The following CORO2B variants were observed in gnomAD, a reference collection of about 807,000 sequenced individuals.
The protein encoded by CORO2B is coronin 2B, also known as coronin-2B.
A neutral mutation model predicts 58.8 loss-of-function variants in CORO2B; 26 were observed. The ratio of observed to expected loss-of-function variants is 0.44; its 90% CI spans 0.32 to 0.61. The LOEUF (loss-of-function observed/expected upper bound fraction) is 0.61, where lower values mean the gene tolerates loss of function less well. Ranked by LOEUF, CORO2B falls within the 20% of genes least tolerant of loss-of-function variation. The probability of loss-of-function intolerance (pLI) is 0.04; values close to 1 mark genes in which losing one functional copy is unlikely to be tolerated. For synonymous variants in CORO2B, 242 were observed against 253.8 expected, an observed-to-expected ratio of 0.95 and a Z score of 0.44; for missense variants, 460 against 645.1, an observed-to-expected ratio of 0.71 and a Z score of 3.11.
intron 9 of CORO2B, 27 bp from the exon 10 acceptor site, chr15:68,719,117 T>C: frequency 6.4e-7 from 1 of 1,573,616 alleles, no homozygotes; most frequent in Non-Finnish European, 8.7e-7. Context: ...CCCCCATGTG[T>C]CCTCTCTTCT....
chr15:68,713,864 T>A (rs1329187667), intron 5 of CORO2B, 61 bp from the exon 6 acceptor site: 3 of 1,128,096 alleles, frequency 2.7e-6, no homozygotes, highest in Non-Finnish European at 4.0e-6. Flanking sequence ...CCACCATTCA[T>A]GCCACTGCAG....
rs1480754309 is a variant in CORO2B, at chr15:68,710,647, C to T, written c.334-85C>T. 1.4e-6 allele frequency: 2 copies of T among 1,383,636 alleles called. No individual in the cohort carries two copies. The highest frequency in any genetic ancestry group is 1.9e-6 in the Non-Finnish European group (2 of 1,056,382). 85.7% of individuals were successfully genotyped at this position (1,383,636 alleles called of 1,614,324 possible). A position where few individuals can be genotyped will look rare whatever the true frequency, so the allele number is the denominator to read the frequency against. ...GGCTCATCAGGCAGATCTCAGAAAG[C>T]CTGGTGTCCGAGGAAAGGGGCACCT... On this transcript the variant is annotated intron_variant, in intron 3 of 11. Coordinates refer to ENST00000261861, the MANE Select transcript of CORO2B (RefSeq NM_006091.5). This position sits in a 1 kb window ranked among gnomAD's most constrained non-coding sequence, Gnocchi z 4.1.
chr15:68,581,687 CTT>C (rs34267403), intron 1 of CORO2B, among the ~76,000 whole-genome samples: 6,241 of 152,232 alleles, frequency 0.041, 456 homozygotes, highest in African/African-American at 0.14. Context: ...TTGGGAGACT[CTT>C]TGTTCTCTGA....
the CORO2B span, among the ~76,000 whole-genome samples, chr15:68,560,134 C>T: frequency 2.0e-5 from 3 of 152,196 alleles, no homozygotes; most frequent in South Asian, 4.1e-4. Context: ...TGGCTGGGGG[C>T]TGCCTGGGAA....
the CORO2B span, among the ~76,000 whole-genome samples, chr15:68,534,163 G>T: frequency 5.9e-5 from 9 of 152,142 alleles, no homozygotes; most frequent in African/African-American, 2.2e-4. Flanking sequence ...CTTCTTTCTT[G>T]CCCTTCTAGA....
At chr15:68,721,648 G>A (rs1893163314) in intron 11 of CORO2B, among the ~76,000 whole-genome samples, 1 of 152,170 alleles carries the variant, frequency 6.6e-6, no homozygotes, top group African/African-American at 2.4e-5. Context: ...AGAGACTAAA[G>A]CTGAGTGATG....
intron 1 of CORO2B, among the ~76,000 whole-genome samples, chr15:68,637,522 A>G (rs1901069674): frequency 6.6e-6 from 1 of 152,224 alleles, no homozygotes; most frequent in Non-Finnish European, 1.5e-5. Flanking sequence ...ATCCTCATAC[A>G]GATTCCAGGA....
chr15:68,674,308 A>C (rs1005975931), intron 2 of CORO2B, among the ~76,000 whole-genome samples: 4 of 152,186 alleles, frequency 2.6e-5, no homozygotes, highest in African/African-American at 9.7e-5. Flanking sequence ...GGGCTTCGGG[A>C]CGGTGGGTAG....
At chr15:68,629,806 G>C (rs1900777246) in intron 1 of CORO2B, among the ~76,000 whole-genome samples, 1 of 62 alleles carries the variant, frequency 0.016, no homozygotes, top group Admixed American at 0.25. Flanking sequence ...CAGGAGCTTG[G>C]GCTCTTAACC....
the CORO2B span, among the ~76,000 whole-genome samples, chr15:68,573,464 C>T: frequency 2.6e-5 from 4 of 151,954 alleles, no homozygotes; most frequent in South Asian, 4.2e-4. Context: ...CAGAGAGGTG[C>T]GCCTCTGCCA....
At chr15:68,649,207 A>G (rs1901556183) in intron 2 of CORO2B, among the ~76,000 whole-genome samples, 1 of 152,212 alleles carries the variant, frequency 6.6e-6, no homozygotes, top group Admixed American at 6.5e-5. Flanking sequence ...AATATGCTAT[A>G]TATATACATA....
At chr15:68,633,852 A>C (rs1004193712) in intron 1 of CORO2B, among the ~76,000 whole-genome samples, 3 of 152,330 alleles carry the variant, frequency 2.0e-5, no homozygotes, top group Admixed American at 2.0e-4. Context: ...GGGAAGGCCC[A>C]TCACCAGTTA....
the CORO2B span, among the ~76,000 whole-genome samples, chr15:68,538,551 G>A: frequency 6.6e-6 from 1 of 152,186 alleles, no homozygotes; most frequent in Non-Finnish European, 1.5e-5. Context: ...CATATGAATT[G>A]CTCTCCTTTT....
the CORO2B span, among the ~76,000 whole-genome samples, chr15:68,565,856 C>A: frequency 6.6e-6 from 1 of 152,240 alleles, no homozygotes; most frequent in Admixed American, 6.5e-5. Context: ...TCCCCAGTTT[C>A]CCCCTCTCCC....
chr15:68,587,089 C>G (rs1428540772), intron 1 of CORO2B, among the ~76,000 whole-genome samples: 1 of 131,684 alleles, frequency 7.6e-6, no homozygotes, highest in South Asian at 2.5e-4. Flanking sequence ...CACACACACA[C>G]ACACACAATT....
chr15:68,589,715 G>T (rs1899652541), intron 1 of CORO2B, among the ~76,000 whole-genome samples: 1 of 152,224 alleles, frequency 6.6e-6, no homozygotes, highest in African/African-American at 2.4e-5. Flanking sequence ...TCAAAAGTGG[G>T]GAATGGGAGA....
chr15:68,683,910 T>A (rs1456502022), intron 2 of CORO2B, among the ~76,000 whole-genome samples: 2 of 152,136 alleles, frequency 1.3e-5, no homozygotes, highest in African/African-American at 2.4e-5. Context: ...AGGGAGAGTG[T>A]CAAGGCAGGA....
intron 1 of CORO2B, among the ~76,000 whole-genome samples, chr15:68,591,411 A>G (rs1394024229): frequency 2.0e-5 from 3 of 152,200 alleles, no homozygotes; most frequent in Non-Finnish European, 4.4e-5. Context: ...GAGGGGCTGT[A>G]TGTGGCTGGA....
the CORO2B span, among the ~76,000 whole-genome samples, chr15:68,552,049 G>C: frequency 2.6e-5 from 4 of 152,076 alleles, no homozygotes; most frequent in African/African-American, 9.7e-5. Context: ...AGGGGCTTTG[G>C]TCATCAGCAT....
Sources: gnomAD v4.1 joint callset for allele counts (sites outside exome capture counted in the v4.1 genomes callset) on GRCh38, gnomAD v4.1.1 for gene constraint, Gnocchi (gnomAD v3.1) non-coding constraint, MANE v1.5 for transcripts, NCBI Gene and HGNC (gene_info 2026-07-23, HGNC 2026-07-21) for gene names.